SLC49A4: variants seen among roughly 807,000 people sequenced by gnomAD.
The protein encoded by SLC49A4 is disrupted in renal cancer protein 2.
In SLC49A4, 36 loss-of-function variants were observed where a neutral mutation model predicts 50.6. That is an observed-to-expected ratio of 0.71 (90% CI 0.55 to 0.94). The LOEUF is 0.94. SLC49A4 is among the 40% of genes least tolerant of loss of function. The probability of loss-of-function intolerance (pLI) is 0.00; values close to 1 mark genes in which losing one functional copy is unlikely to be tolerated. For missense variants in SLC49A4, 503 were observed against 605.7 expected (o/e 0.83, Z 1.78); for synonymous variants, 248 against 241.2 (o/e 1.03, Z -0.26).
chr3:122,809,957 T>C (rs887723596), intron 2 of SLC49A4, among the ~76,000 whole-genome samples: 2 of 152,224 alleles, frequency 1.3e-5, no homozygotes, highest in African/African-American at 4.8e-5. Flanking sequence ...AAAATGAAAA[T>C]GCTACAATTG....
At chr3:122,874,488 T>C (rs936999711) in intron 8 of SLC49A4, among the ~76,000 whole-genome samples, 2 of 152,350 alleles carry the variant, frequency 1.3e-5, no homozygotes, top group Non-Finnish European at 2.9e-5. Flanking sequence ...AAAACTTCCC[T>C]CTTTTTGGTC....
At chr3:122,875,941 G>A (rs752402071) in intron 8 of SLC49A4, among the ~76,000 whole-genome samples, 2 of 152,092 alleles carry the variant, frequency 1.3e-5, no homozygotes, top group Non-Finnish European at 2.9e-5. Context: ...TGGCTTATTT[G>A]GAGCCCTGGG....
At chr3:122,810,381 C>T (rs1440026179) in intron 2 of SLC49A4, among the ~76,000 whole-genome samples, 36 of 152,040 alleles carry the variant, frequency 2.4e-4, no homozygotes, top group Admixed American at 1.3e-4. Context: ...TCTATGATCT[C>T]GAACAAAATA....
chr3:122,797,855 C>T (rs1936069555), intron 1 of SLC49A4, among the ~76,000 whole-genome samples: 1 of 151,954 alleles, frequency 6.6e-6, no homozygotes. Context: ...TTGGCATGCG[C>T]CTGTAGTCTT....
rs138837692 is a variant in SLC49A4, at chr3:122,855,586, G to C, written c.943-721G>C. ...ACAGGAGTGATGAGGAATGTAGGCA[G>C]CATTCGTAGATTGCTGTGAAAAAAT... is the stretch of plus-strand genomic sequence containing the variant. On this transcript the variant is annotated intron_variant, in intron 5 of 8. Coordinates refer to ENST00000261038, the MANE Select transcript of SLC49A4 (RefSeq NM_032839.3). 1.8e-4 allele frequency among the ~76,000 whole-genome samples: 28 copies of C among 152,308 alleles called. No homozygotes were observed. The East Asian group carries it at 5.0e-3, about 27-fold the overall frequency.
intron 7 of SLC49A4, among the ~76,000 whole-genome samples, chr3:122,862,050 G>A (rs1215515293): frequency 6.6e-6 from 1 of 152,204 alleles, no homozygotes. Context: ...GAGGGTGGGG[G>A]TGTCCAGTCT....
chr3:122,826,040 G>C (rs1936521970), intron 2 of SLC49A4, among the ~76,000 whole-genome samples: 1 of 152,164 alleles, frequency 6.6e-6, no homozygotes, highest in Non-Finnish European at 1.5e-5. Flanking sequence ...TAGTGGTCCT[G>C]TCATTACAGT....
intron 2 of SLC49A4, among the ~76,000 whole-genome samples, chr3:122,808,317 T>C (rs1936251950): frequency 6.7e-6 from 1 of 150,118 alleles, no homozygotes; most frequent in African/African-American, 2.5e-5. Flanking sequence ...CTATGGAGAG[T>C]AAAACAAAAT....
intron 7 of SLC49A4, among the ~76,000 whole-genome samples, chr3:122,869,806 GA>G (rs1937171282): frequency 6.6e-6 from 1 of 152,152 alleles, no homozygotes; most frequent in Admixed American, 6.6e-5. Flanking sequence ...AGCATGAAAT[GA>G]GGGCCAAGGG....
chr3:122,795,386 A>C lies in SLC49A4; in HGVS notation c.194A>C (p.Gln65Pro). 6.2e-7 allele frequency: 1 copy of C among 1,604,276 alleles called. No individual in the cohort carries two copies. The highest frequency in any genetic ancestry group is 8.5e-7 in the Non-Finnish European group (1 of 1,178,104). The part of the protein sequence containing the change: ...LLLFSLLAFV[Q>P]GLVWNTWGPI... ...CTCTTCTCGCTGCTGGCGTTCGTTC[A>C]GGGCCTGGTCTGGAACACCTGGGGT... The change falls in exon 1 of 9, where the codon CAG (glutamine) becomes CCG (proline). Residue 65 changes from glutamine (Q) to proline (P), a missense_variant. Physicochemically the swap from Gln to Pro is moderately conservative, Grantham distance 76 (BLOSUM62 -1). Transcript: ENST00000261038.
chr3:122,810,400 A>C (rs1393934823), intron 2 of SLC49A4, among the ~76,000 whole-genome samples: 2 of 152,192 alleles, frequency 1.3e-5, no homozygotes, highest in Non-Finnish European at 2.9e-5. Flanking sequence ...TAATACCCCA[A>C]AAAAATTGTA....
intron 5 of SLC49A4, among the ~76,000 whole-genome samples, chr3:122,854,817 C>G (rs561061934): frequency 6.6e-6 from 1 of 152,250 alleles, no homozygotes; most frequent in South Asian, 2.1e-4. Flanking sequence ...AAAGGCTGGG[C>G]GCGGTGGCTC....
At chr3:122,873,902 A>G (rs774362925) in intron 8 of SLC49A4, among the ~76,000 whole-genome samples, 2 of 152,186 alleles carry the variant, frequency 1.3e-5, no homozygotes, top group Non-Finnish European at 1.5e-5. Flanking sequence ...CTGCCTGGTA[A>G]AGCATCGGAG....
At chr3:122,867,658 C>G (rs1234124856) in intron 7 of SLC49A4, among the ~76,000 whole-genome samples, 4 of 152,160 alleles carry the variant, frequency 2.6e-5, no homozygotes, top group Admixed American at 6.5e-5. Flanking sequence ...CCACTGATCC[C>G]CAAAGTTTTT....
At chr3:122,834,232 A>C (rs1936644700) in intron 4 of SLC49A4, among the ~76,000 whole-genome samples, 1 of 152,168 alleles carries the variant, frequency 6.6e-6, no homozygotes, top group African/African-American at 2.4e-5. Context: ...TGTGGTCAAG[A>C]AGCAGTATCT....
chr3:122,874,294 T>C (rs1937234463), intron 8 of SLC49A4, among the ~76,000 whole-genome samples: 1 of 152,220 alleles, frequency 6.6e-6, no homozygotes, highest in Non-Finnish European at 1.5e-5. Flanking sequence ...TTTAACAGCA[T>C]CTGGTGTCTG....
chr3:122,839,126 A>G (rs1434043921), intron 4 of SLC49A4, among the ~76,000 whole-genome samples: 1 of 152,210 alleles, frequency 6.6e-6, no homozygotes, highest in Non-Finnish European at 1.5e-5. Context: ...AAAGCATACA[A>G]AAACATAAAT....
intron 7 of SLC49A4, among the ~76,000 whole-genome samples, chr3:122,863,271 A>G (rs373562538): frequency 2.0e-5 from 3 of 152,172 alleles, no homozygotes; most frequent in African/African-American, 7.2e-5. Context: ...ACTTAGGTAT[A>G]TATGTCTTAT....
chr3:122,820,259 A>G (rs1225743483), intron 2 of SLC49A4, among the ~76,000 whole-genome samples: 3 of 152,218 alleles, frequency 2.0e-5, no homozygotes, highest in African/African-American at 4.8e-5. Flanking sequence ...GAAATTAGCT[A>G]TAATTTTGAT....
Sources: gnomAD v4.1 joint callset for allele counts (sites outside exome capture counted in the v4.1 genomes callset) on GRCh38, gnomAD v4.1.1 for gene constraint, MANE v1.5 for transcripts, NCBI Gene and HGNC (gene_info 2026-07-23, HGNC 2026-07-21) for gene names.